The following BLTP3A variants were observed in gnomAD, a reference collection of about 807,000 sequenced individuals.
The protein encoded by BLTP3A is ICBP90 binding protein 1.
chr6:34,823,666 C>A, the BLTP3A span, among the ~76,000 whole-genome samples: 115 of 151,590 alleles, frequency 7.6e-4, no homozygotes, highest in African/African-American at 2.6e-3. Context: ...CCTCAGCCTC[C>A]CAAGTAGCTG....
At chr6:34,821,013 A>G in the BLTP3A span, among the ~76,000 whole-genome samples, 6 of 148,402 alleles carry the variant, frequency 4.0e-5, no homozygotes, top group Admixed American at 2.7e-4. Flanking sequence ...CTGGAGTGCA[A>G]TGGCACGATT....
chr6:34,860,912 C>T, the BLTP3A span, among the ~76,000 whole-genome samples: 1 of 152,166 alleles, frequency 6.6e-6, no homozygotes, highest in African/African-American at 2.4e-5. Context: ...CCTAACTGCC[C>T]AAGCCCGTGG....
the BLTP3A span, among the ~76,000 whole-genome samples, chr6:34,823,610 A>G: frequency 2.2e-5 from 3 of 134,836 alleles, no homozygotes; most frequent in South Asian, 4.7e-4. Context: ...TGGTGTGATC[A>G]CAGTTCACTG....
the BLTP3A span, among the ~76,000 whole-genome samples, chr6:34,811,764 C>T: frequency 6.7e-6 from 1 of 149,702 alleles, no homozygotes; most frequent in African/African-American, 2.5e-5. Context: ...GAGGCTGAGG[C>T]AGGACAATCG....
At chr6:34,826,775 AGCTCCT>A in the BLTP3A span, among the ~76,000 whole-genome samples, 1 of 152,050 alleles carries the variant, frequency 6.6e-6, no homozygotes, top group Admixed American at 6.6e-5. Context: ...TTTCCAAGTG[AGCTCCT>A]GTGTCCTTTT....
At chr6:34,851,319 T>A in the BLTP3A span, among the ~76,000 whole-genome samples, 2 of 152,206 alleles carry the variant, frequency 1.3e-5, no homozygotes, top group Non-Finnish European at 2.9e-5. Flanking sequence ...AATTGAGTAT[T>A]GTGATCTAAA....
the BLTP3A span, among the ~76,000 whole-genome samples, chr6:34,800,556 TG>T: frequency 6.6e-6 from 1 of 152,144 alleles, no homozygotes; most frequent in Non-Finnish European, 1.5e-5. Flanking sequence ...CTTTTAACTC[TG>T]TGTGGTGATG....
the BLTP3A span, among the ~76,000 whole-genome samples, chr6:34,819,156 CTT>C: frequency 3.5e-5 from 5 of 142,888 alleles, no homozygotes; most frequent in African/African-American, 1.0e-4. Flanking sequence ...TTTTTTTTTA[CTT>C]TTTTTTTTAT....
the BLTP3A span, chr6:34,823,489 C>A: frequency 1.6e-6 from 1 of 641,376 alleles, no homozygotes. Flanking sequence ...CTCCATATAC[C>A]CAAGATCTAA....
chr6:34,827,319 GA>G, the BLTP3A span, among the ~76,000 whole-genome samples: 2 of 149,010 alleles, frequency 1.3e-5, no homozygotes, highest in Non-Finnish European at 1.5e-5. Context: ...CAAAAAAAAA[GA>G]AAAAAAACAA....
At chr6:34,871,509 A>G in the BLTP3A span, 585 of 1,439,270 alleles carry the variant, frequency 4.1e-4, 1 homozygote, top group African/African-American at 6.8e-3. Flanking sequence ...TTCAAGCTGA[A>G]TGATGGGAGC....
the BLTP3A span, among the ~76,000 whole-genome samples, chr6:34,802,353 C>T: frequency 6.6e-6 from 1 of 150,992 alleles, no homozygotes; most frequent in Non-Finnish European, 1.5e-5. Context: ...ATTACAGGTG[C>T]CCACCACCAA....
At chr6:34,860,982 T>C in the BLTP3A span, among the ~76,000 whole-genome samples, 2 of 152,304 alleles carry the variant, frequency 1.3e-5, no homozygotes, top group African/African-American at 4.8e-5. Flanking sequence ...GCTGATCAGT[T>C]CATTCTGAAT....
the BLTP3A span, among the ~76,000 whole-genome samples, chr6:34,829,380 A>G: frequency 6.6e-6 from 1 of 152,154 alleles, no homozygotes; most frequent in African/African-American, 2.4e-5. Context: ...CACTTAGCAT[A>G]ATGTTTTCAA....
the BLTP3A span, among the ~76,000 whole-genome samples, chr6:34,822,252 A>C: frequency 1.4e-5 from 2 of 147,112 alleles, no homozygotes; most frequent in Non-Finnish European, 3.0e-5. Flanking sequence ...CTTCCCTTGA[A>C]ATTTTTTTTT....
chr6:34,799,366 T>G, the BLTP3A span, among the ~76,000 whole-genome samples: 2 of 152,138 alleles, frequency 1.3e-5, no homozygotes, highest in Middle Eastern at 3.2e-3. Context: ...GGTTCACACC[T>G]GTAGTCCCAG....
At chr6:34,831,164 G>A in the BLTP3A span, among the ~76,000 whole-genome samples, 1 of 143,382 alleles carries the variant, frequency 7.0e-6, no homozygotes, top group African/African-American at 2.6e-5. Flanking sequence ...TTCCTCTCTT[G>A]TCACTCAGGC....
chr6:34,834,458 G>T, the BLTP3A span: 1 of 1,597,316 alleles, frequency 6.3e-7, no homozygotes, highest in East Asian at 2.2e-5. Flanking sequence ...TTCAAAGTCA[G>T]ACTGATTCTT....
chr6:34,839,720 A>G, the BLTP3A span, among the ~76,000 whole-genome samples: 1 of 152,194 alleles, frequency 6.6e-6, no homozygotes, highest in Non-Finnish European at 1.5e-5. Context: ...GCTCTCTCGC[A>G]CTGGCCCGGC....
Sources: allele counts gnomAD v4.1 joint callset (sites outside exome capture counted in the v4.1 genomes callset), GRCh38; gene constraint gnomAD v4.1.1; transcripts MANE v1.5; gene names NCBI Gene and HGNC (gene_info 2026-07-23, HGNC 2026-07-21).